RAB1A: variants seen among roughly 807,000 people sequenced by gnomAD.
RAB1A encodes the protein ras-related protein Rab-1A.
RAB1A carries 2 observed loss-of-function variants against 26.0 expected under a neutral mutation model. That is an observed-to-expected ratio of 0.08 (90% CI 0.03 to 0.24). The LOEUF is 0.24. RAB1A is among the 10% of genes least tolerant of loss of function. The pLI is 1.00. For synonymous variants in RAB1A, 84 were observed against 84.9 expected (o/e 0.99, Z 0.06); for missense variants, 100 against 247.0 (o/e 0.40, Z 3.99).
At chr2:65,112,410 G>C (rs1394786502) in intron 1 of RAB1A, among the ~76,000 whole-genome samples, 2 of 152,062 alleles carry the variant, frequency 1.3e-5, no homozygotes, top group Non-Finnish European at 2.9e-5. Flanking sequence ...GCCTCCCAAA[G>C]TGTTGGGATT....
At position 65,130,050 on chromosome 2, in the gene RAB1A, G is replaced by A. The variant is rs1670203274; in HGVS notation, c.-135C>T. On this transcript the variant is annotated 5_prime_UTR_variant, in exon 1 of 6. It adds an upstream start codon to the 5' untranslated region. Coordinates refer to ENST00000409784, the MANE Select transcript of RAB1A (RefSeq NM_004161.5). ...GAGAGCAAACGTCTTCCCCTACTCC[G>A]TCCCCTAGAACACAATCAGCAGCCG... is the stretch of plus-strand genomic sequence containing the variant. 2 of 995,324 alleles carry A rather than the reference G, an allele frequency of 2.0e-6. No individual in the cohort carries two copies. Among genetic ancestry groups the A allele is most frequent in the Admixed American group, 4.0e-5 (2 of 49,494 alleles). The allele number at this position is 995,324 out of a possible 1,614,324, so 61.7% of individuals were successfully genotyped here. A position where few individuals can be genotyped will look rare whatever the true frequency, so the allele number is the denominator to read the frequency against.
At chr2:65,122,377 T>G in intron 1 of RAB1A, among the ~76,000 whole-genome samples, 1 of 98,268 alleles carries the variant, frequency 1.0e-5, no homozygotes, top group African/African-American at 4.2e-5. Context: ...TGAAATCCCA[T>G]CCCTACAAAA....
At position 65,101,691 on chromosome 2, in the gene RAB1A, A is replaced by G. The variant is rs1573072061; in HGVS notation, c.96+3043T>C. On this transcript the variant is annotated intron_variant, in intron 2 of 5. Transcript: ENST00000409784. ...AACTTAAAGGCCTTTAATTACAAAT[A>G]AAGTTGAGCCTTTTTTTTTTTCCAT... Among the ~76,000 whole-genome samples, 5 of 148,022 alleles carry G rather than the reference A, an allele frequency of 3.4e-5. No homozygotes were observed. The South Asian group carries it at 1.1e-3, about 32-fold the overall frequency.
chr2:65,094,277 C>T (rs1021775472), intron 3 of RAB1A, among the ~76,000 whole-genome samples: 3 of 152,048 alleles, frequency 2.0e-5, no homozygotes, highest in Admixed American at 1.3e-4. Context: ...GCCAAGGCCC[C>T]TATTTTAATT....
chr2:65,110,351 G>A (rs924309224), intron 1 of RAB1A, among the ~76,000 whole-genome samples: 1 of 149,904 alleles, frequency 6.7e-6, no homozygotes, highest in Non-Finnish European at 1.5e-5. Flanking sequence ...TGAGGCAGGA[G>A]AATCGCTTGA....
chr2:65,122,028 C>T (rs1669973650), intron 1 of RAB1A, among the ~76,000 whole-genome samples: 2 of 151,720 alleles, frequency 1.3e-5, no homozygotes, highest in Non-Finnish European at 2.9e-5. Context: ...TGGTGGTGGA[C>T]GCCTGTAGTC....
chr2:65,117,498 T>C (rs1480916063), intron 1 of RAB1A, among the ~76,000 whole-genome samples: 2 of 152,082 alleles, frequency 1.3e-5, no homozygotes, highest in Non-Finnish European at 2.9e-5. Context: ...ACATCAGGCC[T>C]CCAACCATGA....
intron 4 of RAB1A, among the ~76,000 whole-genome samples, chr2:65,089,769 C>A (rs1005477433): frequency 6.7e-6 from 1 of 148,516 alleles, no homozygotes; most frequent in Admixed American, 6.9e-5. Context: ...ATGGCGCGAT[C>A]TCGGCTCACT....
chr2:65,130,072 G>A lies in RAB1A; in HGVS notation c.-157C>T. 1.2e-6 allele frequency: 1 copy of A among 833,318 alleles called. No homozygotes were observed. The highest frequency in any genetic ancestry group is 2.7e-5 in the East Asian group (1 of 37,562). 51.6% of individuals were successfully genotyped at this position (833,318 alleles called of 1,614,324 possible). ...TCCGTCCCCTAGAACACAATCAGCA[G>A]CCGCCGCCACTCAGCTATCGCTTCC... On this transcript the variant is annotated 5_prime_UTR_variant, in exon 1 of 6. Coordinates refer to ENST00000409784, the MANE Select transcript of RAB1A (RefSeq NM_004161.5).
Position 65,088,265 on chromosome 2 carries a change from T to C in RAB1A, c.*228A>G, listed in dbSNP as rs1020093668. On this transcript the variant is annotated 3_prime_UTR_variant, in exon 6 of 6. Coordinates refer to ENST00000409784, the MANE Select transcript of RAB1A (RefSeq NM_004161.5). The stretch of plus-strand genomic sequence containing the variant: ...AACAAGGATTACACACATTATTTTA[T>C]AAACCAGCACACAAAGGTTTAAAAC... 1 of 446,702 alleles carries C rather than the reference T, an allele frequency of 2.2e-6. No individual in the cohort carries two copies. The highest frequency in any genetic ancestry group is 3.9e-6 in the Non-Finnish European group (1 of 253,662). The allele number at this position is 446,702 out of a possible 1,614,324, so 27.7% of individuals were successfully genotyped here.
In RAB1A at chr2:65,108,368, A is replaced by AAAAAG. The variant is rs72072943; in HGVS notation, c.24-3563_24-3562insCTTTT. ...CAAAACTCCATCTCAAAAAAAAAAA[A>AAAAAG]AAAGAAAGAAAGAAACATGAAGGTT... On this transcript the variant is annotated intron_variant, in intron 1 of 5. Transcript: ENST00000409784. 5.3e-3 allele frequency among the ~76,000 whole-genome samples: 769 copies of AAAAAG among 144,028 alleles called. 10 individuals carry two copies. The highest frequency in any genetic ancestry group is 0.017 in the African/African-American group (649 of 38,984). 94.5% of individuals were successfully genotyped at this position (144,028 alleles called of 152,430 possible).
intron 1 of RAB1A, among the ~76,000 whole-genome samples, chr2:65,123,761 G>C (rs1185530193): frequency 6.6e-6 from 1 of 151,818 alleles, no homozygotes; most frequent in Non-Finnish European, 1.5e-5. Context: ...GGAAGGCGGA[G>C]GTTGCAGTGA....
At position 65,088,214 on chromosome 2, in the gene RAB1A, G is replaced by A. The variant is rs760664390; in HGVS notation, c.*279C>T. 5 of 326,864 alleles carry A rather than the reference G, an allele frequency of 1.5e-5. No homozygotes were observed. Among genetic ancestry groups the A allele is most frequent in the Non-Finnish European group, 2.8e-5 (5 of 181,094 alleles). 20.2% of individuals were successfully genotyped at this position (326,864 alleles called of 1,614,324 possible). ...AACAAAATATATTCTAACCAACCAC[G>A]GGAAACAGTCTGGTATCAGGAAAGC... On this transcript the variant is annotated 3_prime_UTR_variant, in exon 6 of 6. Transcript: ENST00000409784.
chr2:65,128,988 G>T (rs975473033), intron 1 of RAB1A, among the ~76,000 whole-genome samples: 2 of 151,976 alleles, frequency 1.3e-5, no homozygotes, highest in African/African-American at 4.8e-5. Flanking sequence ...AACTTTTCAT[G>T]ACACGTCATG....
intron 2 of RAB1A, among the ~76,000 whole-genome samples, chr2:65,103,745 A>G (rs1443999504): frequency 1.3e-5 from 2 of 151,824 alleles, no homozygotes; most frequent in Non-Finnish European, 2.9e-5. Context: ...AGAAACAATG[A>G]TCTCTAGAAG....
rs11286030 is a variant in RAB1A, at chr2:65,117,733, G to GT, written c.23+12159dup. On this transcript the variant is annotated intron_variant, in intron 1 of 5. Coordinates refer to ENST00000409784, the MANE Select transcript of RAB1A (RefSeq NM_004161.5). ...AGGCGCGTGCCACCACGTCCAGCTAGTTTTTTTTTTTTTTTTTGGTAGAGA... is the reference window on the plus strand; with the variant it reads ...AGGCGCGTGCCACCACGTCCAGCTAGTTTTTTTTTTTTTTTTTTGGTAGAGA... Among the ~76,000 whole-genome samples the GT allele has an allele frequency of 3.0e-3, 403 of 136,272 alleles. 5 individuals carry two copies. Among genetic ancestry groups the GT allele is most frequent in the African/African-American group, 9.3e-3 (342 of 36,968 alleles). The allele number at this position is 136,272 out of a possible 152,430, so 89.4% of individuals were successfully genotyped here. A position where few individuals can be genotyped will look rare whatever the true frequency, so the allele number is the denominator to read the frequency against.
intron 1 of RAB1A, among the ~76,000 whole-genome samples, chr2:65,128,088 G>C (rs1670146386): frequency 6.6e-6 from 1 of 152,096 alleles, no homozygotes; most frequent in African/African-American, 2.4e-5. Context: ...GGTACTAATA[G>C]AATGCCTTTC....
chr2:65,091,162 G>C lies in RAB1A; in HGVS notation c.193-84C>G, dbSNP rs28470757. On this transcript the variant is annotated intron_variant, in intron 3 of 5. Coordinates refer to ENST00000409784, the MANE Select transcript of RAB1A (RefSeq NM_004161.5). ...TGTAGGAGGGAGGGGAAATAGTTTA[G>C]TTTTCATAACTGTGGAGATTATCAG... 148 of 1,045,220 alleles carry C rather than the reference G, an allele frequency of 1.4e-4. No homozygotes were observed. In the African/African-American group the frequency reaches 2.1e-3, roughly 15 times the overall value. 64.7% of individuals were successfully genotyped at this position (1,045,220 alleles called of 1,614,324 possible).
In RAB1A at chr2:65,126,568, G is replaced by A. The variant is rs1034875462; in HGVS notation, c.23+3325C>T. Reference sequence around the variant, plus strand: ...GATCCCATTTTCACTACCAAATTTAGCAGAACCCATTAACAAAGATTATAA... The same window carrying A: ...GATCCCATTTTCACTACCAAATTTAACAGAACCCATTAACAAAGATTATAA... On this transcript the variant is annotated intron_variant, in intron 1 of 5. Transcript: ENST00000409784. Among the ~76,000 whole-genome samples the A allele has an allele frequency of 7.9e-5, 12 of 152,192 alleles. 1 individual carries two copies. In the South Asian group the frequency reaches 2.1e-3, roughly 26 times the overall value.
Sources: allele counts gnomAD v4.1 joint callset (sites outside exome capture counted in the v4.1 genomes callset), GRCh38; gene constraint gnomAD v4.1.1; transcripts MANE v1.5; gene names NCBI Gene and HGNC (gene_info 2026-07-23, HGNC 2026-07-21).